The following FRMD4A variants were observed in gnomAD, a reference collection of about 807,000 sequenced individuals.
FRMD4A encodes FERM domain-containing protein 4A.
A neutral mutation model predicts 129.1 loss-of-function variants in FRMD4A; 29 were observed. The ratio of observed to expected loss-of-function variants is 0.22; its 90% CI spans 0.17 to 0.31. FRMD4A has a LOEUF of 0.31. Among genes scored for constraint, FRMD4A ranks in the 10% least tolerant of loss-of-function variants. The pLI is 1.00. For missense variants in FRMD4A, 1,272 were observed against 1,375.8 expected, an observed-to-expected ratio of 0.92 and a Z score of 1.19; for synonymous variants, 634 against 571.6, an observed-to-expected ratio of 1.11 and a Z score of -1.56.
At chr10:14,221,421 A>G (rs550545384) in intron 2 of FRMD4A, among the ~76,000 whole-genome samples, 13 of 152,300 alleles carry the variant, frequency 8.5e-5, no homozygotes, top group African/African-American at 3.1e-4. Context: ...TATACCAAAT[A>G]CAGGCTCTTT....
rs530005055 is a variant in FRMD4A at position 13,672,107 on chromosome 10, G to A, written c.1252-1579C>T. On this transcript the variant is annotated intron_variant, in intron 16 of 24. Coordinates refer to ENST00000357447, the MANE Select transcript of FRMD4A (RefSeq NM_018027.5). ...AGGCATGGTGTGTGCATGTGTGTGC[G>A]TGTGTACATGTGTACACGTGACATG... Among the ~76,000 whole-genome samples the A allele has an allele frequency of 7.2e-5, 11 of 152,288 alleles. No homozygotes were observed. The South Asian group carries it at 1.9e-3, about 26-fold the overall frequency.
At chr10:13,702,292 G>A (rs1017583842) in intron 13 of FRMD4A, among the ~76,000 whole-genome samples, 5 of 151,960 alleles carry the variant, frequency 3.3e-5, no homozygotes, top group East Asian at 1.9e-4. Flanking sequence ...TCTAACTCCC[G>A]GCCTCAGGTG....
intron 2 of FRMD4A, among the ~76,000 whole-genome samples, chr10:14,263,775 T>G (rs539197575): frequency 6.6e-6 from 1 of 152,126 alleles, no homozygotes; most frequent in African/African-American, 2.4e-5. Context: ...TATCAGGTTC[T>G]CGGTTTTCAC....
chr10:13,958,558 C>G (rs1271402748), intron 2 of FRMD4A, among the ~76,000 whole-genome samples: 1 of 151,166 alleles, frequency 6.6e-6, no homozygotes, highest in Non-Finnish European at 1.5e-5. Flanking sequence ...GCTGGGATTA[C>G]AGGCGTGAGC....
At chr10:13,794,140 A>G (rs913934599) in intron 5 of FRMD4A, among the ~76,000 whole-genome samples, 1 of 151,926 alleles carries the variant, frequency 6.6e-6, no homozygotes, top group African/African-American at 2.4e-5. Flanking sequence ...GCACATAAAA[A>G]TTCTAGGTTG....
At chr10:13,906,451 T>C (rs988773647) in intron 2 of FRMD4A, among the ~76,000 whole-genome samples, 1 of 152,202 alleles carries the variant, frequency 6.6e-6, no homozygotes, top group Non-Finnish European at 1.5e-5. Context: ...AGATTCCTAC[T>C]CATAGGCATG....
At chr10:13,741,026 C>T (rs1432227187) in intron 9 of FRMD4A, among the ~76,000 whole-genome samples, 2 of 152,102 alleles carry the variant, frequency 1.3e-5, no homozygotes, top group African/African-American at 4.8e-5. Context: ...AGGGTTTCAT[C>T]ATGTTGGCCA....
chr10:13,693,838 G>C, intron 15 of FRMD4A, 60 bp downstream of exon 15: 1 of 1,565,516 alleles, frequency 6.4e-7, no homozygotes, highest in Non-Finnish European at 8.8e-7. Flanking sequence ...CACCTTCCTG[G>C]GTCCCCTCTG....
At chr10:13,749,866 G>A (rs1183218399) in intron 8 of FRMD4A, among the ~76,000 whole-genome samples, 1 of 151,554 alleles carries the variant, frequency 6.6e-6, no homozygotes. Context: ...ATGCATGCCT[G>A]TAGTCCTAGT....
intron 15 of FRMD4A, among the ~76,000 whole-genome samples, chr10:13,683,693 T>A (rs1274876774): frequency 6.6e-6 from 1 of 150,464 alleles, no homozygotes; most frequent in Non-Finnish European, 1.5e-5. Context: ...TTAACGTGAA[T>A]TGTAGCTGGT....
chr10:14,072,670 TA>T (rs769595113), intron 2 of FRMD4A, among the ~76,000 whole-genome samples: 21 of 152,178 alleles, frequency 1.4e-4, no homozygotes, highest in Non-Finnish European at 2.8e-4. Context: ...ATTTATCAGT[TA>T]TTTTGGGAAA....
chr10:13,764,066 C>T (rs1339398762), intron 6 of FRMD4A, among the ~76,000 whole-genome samples: 1 of 152,112 alleles, frequency 6.6e-6, no homozygotes, highest in African/African-American at 2.4e-5. Flanking sequence ...AACTAAAACA[C>T]CTCAAAAACT....
At chr10:13,672,777 A>G (rs374819566) in intron 16 of FRMD4A, among the ~76,000 whole-genome samples, 92 of 152,156 alleles carry the variant, frequency 6.0e-4, no homozygotes, top group Admixed American at 1.1e-3. Flanking sequence ...CTCTGAGCTG[A>G]GGGGAGAGAT....
chr10:13,873,343 G>A (rs1043340026), intron 2 of FRMD4A, among the ~76,000 whole-genome samples: 12 of 150,900 alleles, frequency 8.0e-5, no homozygotes, highest in East Asian at 1.9e-4. Flanking sequence ...GACTTTAAAC[G>A]TAAAATTTTG....
intron 3 of FRMD4A, among the ~76,000 whole-genome samples, chr10:13,823,325 G>A (rs1410355002): frequency 6.6e-6 from 1 of 152,176 alleles, no homozygotes; most frequent in Admixed American, 6.5e-5. Context: ...ACTCCAGCCT[G>A]CTCAGGGCAA....
At chr10:14,070,831 G>A (rs188751510) in intron 2 of FRMD4A, among the ~76,000 whole-genome samples, 219 of 152,316 alleles carry the variant, frequency 1.4e-3, no homozygotes, top group African/African-American at 4.9e-3. Context: ...GAATCATCAG[G>A]ACTGGGGAGA....
chr10:14,036,699 C>G (rs1833516398), intron 2 of FRMD4A, among the ~76,000 whole-genome samples: 1 of 152,338 alleles, frequency 6.6e-6, no homozygotes, highest in African/African-American at 2.4e-5. Flanking sequence ...TCACCTCCCT[C>G]AGCCTCCCGA....
intron 5 of FRMD4A, among the ~76,000 whole-genome samples, chr10:13,793,421 C>T (rs1057310994): frequency 6.6e-6 from 1 of 152,178 alleles, no homozygotes; most frequent in African/African-American, 2.4e-5. Context: ...ATCCACCCAC[C>T]TTGCCCTCCG....
intron 5 of FRMD4A, among the ~76,000 whole-genome samples, chr10:13,791,710 T>C (rs1454789225): frequency 1.3e-5 from 2 of 152,082 alleles, no homozygotes; most frequent in Non-Finnish European, 2.9e-5. Flanking sequence ...TGTGAGCCCA[T>C]AAATGAAGGC....
Sources: allele counts gnomAD v4.1 joint callset (sites outside exome capture counted in the v4.1 genomes callset), GRCh38; gene constraint gnomAD v4.1.1; transcripts MANE v1.5; gene names NCBI Gene and HGNC (gene_info 2026-07-23, HGNC 2026-07-21).